C12orf42: variants seen among roughly 807,000 people sequenced by gnomAD.
The protein encoded by C12orf42 is chromosome 12 open reading frame 42.
C12orf42 carries 25 observed loss-of-function variants against 21.6 expected under a neutral mutation model. The observed-to-expected ratio is 1.16, with a 90% CI of 0.84 to 1.62. The LOEUF is 1.62. Ranked by LOEUF, C12orf42 falls within the 40% of genes most tolerant of loss-of-function variation. The pLI, the probability that C12orf42 is intolerant of heterozygous loss-of-function variation, is 0.00. For missense variants in C12orf42, 483 were observed against 459.3 expected, an observed-to-expected ratio of 1.05 and a Z score of -0.47; for synonymous variants, 174 against 175.0, an observed-to-expected ratio of 0.99 and a Z score of 0.05.
At chr12:103,355,039 T>A (rs1354335283) in intron 4 of C12orf42, among the ~76,000 whole-genome samples, 4 of 152,158 alleles carry the variant, frequency 2.6e-5, no homozygotes, top group Non-Finnish European at 5.9e-5. Context: ...GCGATTACTA[T>A]GTACCCATTA....
chr12:103,280,704 C>G (rs991636433), intron 4 of C12orf42, among the ~76,000 whole-genome samples: 6 of 152,100 alleles, frequency 3.9e-5, no homozygotes, highest in African/African-American at 1.4e-4. Context: ...GTTATGAAAG[C>G]TATTTGTTAT....
the C12orf42 span, among the ~76,000 whole-genome samples, chr12:103,169,969 G>T: frequency 3.9e-5 from 6 of 152,012 alleles, no homozygotes; most frequent in African/African-American, 4.8e-5. Context: ...AATTGACATT[G>T]AATAAAGTAT....
chr12:103,203,613 G>T, the C12orf42 span, among the ~76,000 whole-genome samples: 2 of 152,132 alleles, frequency 1.3e-5, no homozygotes, highest in Non-Finnish European at 2.9e-5. Flanking sequence ...CTGGCACAAG[G>T]ACACACAGAT....
intron 4 of C12orf42, among the ~76,000 whole-genome samples, chr12:103,368,417 G>T (rs565852266): frequency 6.6e-6 from 1 of 151,902 alleles, no homozygotes; most frequent in Admixed American, 6.6e-5. Flanking sequence ...AGCAAATGTT[G>T]ACTGGTGTAT....
chr12:103,437,674 C>T (rs895567862), intron 2 of C12orf42, among the ~76,000 whole-genome samples: 4 of 151,538 alleles, frequency 2.6e-5, no homozygotes, highest in Admixed American at 1.3e-4. Flanking sequence ...ATAAATTCCT[C>T]GACACATACA....
At chr12:103,478,051 TG>T in intron 2 of C12orf42, 2 of 265,666 alleles carry the variant, frequency 7.5e-6, no homozygotes, top group Non-Finnish European at 1.4e-5. Context: ...TCAATCCTAA[TG>T]GTGTGGGGTT....
At chr12:103,286,056 T>C (rs1425135175) in intron 4 of C12orf42, among the ~76,000 whole-genome samples, 1 of 151,972 alleles carries the variant, frequency 6.6e-6, no homozygotes, top group Non-Finnish European at 1.5e-5. Context: ...GGACCATTCT[T>C]GCTAACACGG....
the C12orf42 span, among the ~76,000 whole-genome samples, chr12:103,159,774 G>A: frequency 5.3e-5 from 8 of 152,322 alleles, no homozygotes; most frequent in South Asian, 8.3e-4. Context: ...CTAGGAACAT[G>A]TGTGTGCACA....
chr12:103,395,911 C>A (rs2047489420), intron 3 of C12orf42, among the ~76,000 whole-genome samples: 1 of 148,206 alleles, frequency 6.7e-6, no homozygotes, highest in Non-Finnish European at 1.5e-5. Context: ...ATATATACTA[C>A]AAATGCATTA....
chr12:103,533,903 T>C, the C12orf42 span, among the ~76,000 whole-genome samples: 1 of 151,830 alleles, frequency 6.6e-6, no homozygotes, highest in African/African-American at 2.4e-5. Context: ...CACTTACCAA[T>C]AGTGCAGTCT....
chr12:103,320,295 T>A (rs979122723), intron 4 of C12orf42, among the ~76,000 whole-genome samples: 3 of 152,220 alleles, frequency 2.0e-5, no homozygotes, highest in South Asian at 2.1e-4. Context: ...ATTAACTTAA[T>A]AACATGTAAT....
the C12orf42 span, among the ~76,000 whole-genome samples, chr12:103,087,981 A>G: frequency 6.6e-6 from 1 of 152,376 alleles, no homozygotes; most frequent in East Asian, 1.9e-4. Flanking sequence ...TATATCCTTG[A>G]CCAGTTGGCC....
At chr12:103,285,180 A>G (rs2036367620) in intron 4 of C12orf42, among the ~76,000 whole-genome samples, 2 of 152,270 alleles carry the variant, frequency 1.3e-5, no homozygotes, top group South Asian at 4.1e-4. Flanking sequence ...ACTTAGTTGT[A>G]TAAGGATTGC....
chr12:103,288,352 AAAAC>A (rs1373701552), intron 4 of C12orf42, among the ~76,000 whole-genome samples: 1 of 152,196 alleles, frequency 6.6e-6, no homozygotes, highest in Non-Finnish European at 1.5e-5. Flanking sequence ...GAGTCTGAGT[AAAAC>A]AAACAAAATC....
intron 2 of C12orf42, among the ~76,000 whole-genome samples, chr12:103,466,045 G>A (rs1953102092): frequency 6.6e-6 from 1 of 152,072 alleles, no homozygotes; most frequent in African/African-American, 2.4e-5. Context: ...CAGGAATATC[G>A]ACCTGAAGTT....
intron 3 of C12orf42, among the ~76,000 whole-genome samples, chr12:103,382,163 C>CT (rs553202390): frequency 4.5e-4 from 68 of 152,016 alleles, no homozygotes; most frequent in African/African-American, 1.3e-3. Context: ...GGAATCATGG[C>CT]TTTTTTTTGT....
intron 4 of C12orf42, among the ~76,000 whole-genome samples, chr12:103,278,989 C>T (rs943771215): frequency 6.6e-6 from 1 of 152,192 alleles, no homozygotes; most frequent in African/African-American, 2.4e-5. Flanking sequence ...CCTTCTGTGC[C>T]TGGCTTATTT....
chr12:103,440,457 C>CGAA (rs1951129810), intron 2 of C12orf42, among the ~76,000 whole-genome samples: 1 of 69,666 alleles, frequency 1.4e-5, no homozygotes, highest in Non-Finnish European at 2.5e-5. Flanking sequence ...TCACAGATAC[C>CGAA]AAAAAAAAAA....
At chr12:103,300,112 G>C (rs1816502575), downstream of C12orf42, among the ~76,000 whole-genome samples, 1 of 152,144 alleles carries the variant, frequency 6.6e-6, no homozygotes, top group South Asian at 2.1e-4. Context: ...ACAGAGTTTT[G>C]AGCAATGTTT....
Sources: gnomAD v4.1 joint callset for allele counts (sites outside exome capture counted in the v4.1 genomes callset) on GRCh38, gnomAD v4.1.1 for gene constraint, MANE v1.5 for transcripts, NCBI Gene and HGNC (gene_info 2026-07-23, HGNC 2026-07-21) for gene names.